The following ADCY2 variants were observed in gnomAD, a reference collection of about 807,000 sequenced individuals.
ADCY2 encodes the protein adenylate cyclase type 2.
A neutral mutation model predicts 125.2 loss-of-function variants in ADCY2; 31 were observed. The observed-to-expected ratio is 0.25, with a 90% CI of 0.19 to 0.33. The LOEUF is 0.33. Ranked by LOEUF, ADCY2 falls within the 10% of genes least tolerant of loss-of-function variation. The probability of loss-of-function intolerance (pLI) is 1.00; values close to 1 mark genes in which losing one functional copy is unlikely to be tolerated. For missense variants in ADCY2, 904 were observed against 1,418.2 expected, an observed-to-expected ratio of 0.64 and a Z score of 5.82; for synonymous variants, 512 against 548.4, an observed-to-expected ratio of 0.93 and a Z score of 0.93.
Position 7,461,695 on chromosome 5 carries a change from TCCTTAC to T in ADCY2, c.408+46926_408+46931del, listed in dbSNP as rs1277570719. ...TACATTTGGATTTAAAGAAGGAAAT[TCCTTAC>T]AGTTTTGGAATAGAAATTTATTAGA... On this transcript the variant is annotated intron_variant, in intron 2 of 24. Transcript: ENST00000338316. 2.0e-5 allele frequency among the ~76,000 whole-genome samples: 3 copies of T among 152,254 alleles called. No homozygotes were observed. In the East Asian group the frequency reaches 5.8e-4, roughly 29 times the overall value.
At chr5:7,532,176 G>T (rs1200134551) in intron 3 of ADCY2, among the ~76,000 whole-genome samples, 1 of 152,236 alleles carries the variant, frequency 6.6e-6, no homozygotes, top group Non-Finnish European at 1.5e-5. Flanking sequence ...AACAGAGAAA[G>T]TGTTCTTGCC....
chr5:7,758,900 A>G (rs1278371633), intron 16 of ADCY2, among the ~76,000 whole-genome samples: 1 of 152,188 alleles, frequency 6.6e-6, no homozygotes, highest in East Asian at 1.9e-4. Context: ...AACAAGGCTG[A>G]AGAAGTGGGT....
At chr5:7,645,167 C>T (rs770146575) in intron 4 of ADCY2, among the ~76,000 whole-genome samples, 1 of 152,132 alleles carries the variant, frequency 6.6e-6, no homozygotes, top group African/African-American at 2.4e-5. Flanking sequence ...AAGTTGTGGG[C>T]ATCTTACACA....
intron 3 of ADCY2, among the ~76,000 whole-genome samples, chr5:7,534,980 A>G (rs1042775440): frequency 2.0e-5 from 3 of 152,292 alleles, no homozygotes; most frequent in Non-Finnish European, 4.4e-5. Context: ...TCTGTTGCAC[A>G]TTCCCTGGGC....
chr5:7,502,446 T>C (rs1483724903), intron 2 of ADCY2, among the ~76,000 whole-genome samples: 1 of 152,116 alleles, frequency 6.6e-6, no homozygotes, highest in African/African-American at 2.4e-5. Context: ...AGCCACCTCT[T>C]ACTCCCACCG....
chr5:7,712,295 A>G (rs73049811), intron 10 of ADCY2, among the ~76,000 whole-genome samples: 12,231 of 152,080 alleles, frequency 0.08, 1,232 homozygotes, highest in African/African-American at 0.23. Flanking sequence ...CCACTTATAA[A>G]TTCTGTCTCT....
rs116512885 is a variant in ADCY2, at chr5:7,670,730, C to A, written c.721-19961C>A. 3.0e-3 allele frequency among the ~76,000 whole-genome samples: 456 copies of A among 152,280 alleles called. 1 individual carries two copies. The highest frequency in any genetic ancestry group is 0.01 in the African/African-American group (433 of 41,568). ...TTAGATTCTCATAAGGAGCACGCAACCTAGATCCCTCCCGTGCACAGTTTA... is the reference window on the plus strand; with the variant it reads ...TTAGATTCTCATAAGGAGCACGCAAACTAGATCCCTCCCGTGCACAGTTTA... On this transcript the variant is annotated intron_variant, in intron 4 of 24. Transcript: ENST00000338316.
chr5:7,624,124 T>C (rs1407672322), intron 3 of ADCY2, among the ~76,000 whole-genome samples: 1 of 152,220 alleles, frequency 6.6e-6, no homozygotes, highest in African/African-American at 2.4e-5. Flanking sequence ...TTTGCATTTA[T>C]TCAGAGAGAA....
At chr5:7,594,025 G>A (rs952878801) in intron 3 of ADCY2, among the ~76,000 whole-genome samples, 2 of 152,202 alleles carry the variant, frequency 1.3e-5, no homozygotes, top group South Asian at 2.1e-4. Context: ...AGAGGTGGAC[G>A]TGGGTGGACC....
chr5:7,483,603 C>T (rs889654201), intron 2 of ADCY2, among the ~76,000 whole-genome samples: 2 of 152,150 alleles, frequency 1.3e-5, no homozygotes, highest in Non-Finnish European at 1.5e-5. Context: ...GACATGACCT[C>T]GGGTGTTTGG....
intron 3 of ADCY2, among the ~76,000 whole-genome samples, chr5:7,594,319 C>T (rs1292261121): frequency 6.6e-6 from 1 of 152,114 alleles, no homozygotes; most frequent in Non-Finnish European, 1.5e-5. Flanking sequence ...TCTAAATACA[C>T]CAACTAATCT....
At chr5:7,508,218 C>G (rs1463144995) in intron 2 of ADCY2, among the ~76,000 whole-genome samples, 1 of 152,110 alleles carries the variant, frequency 6.6e-6, no homozygotes, top group Non-Finnish European at 1.5e-5. Context: ...AGCATAATTA[C>G]CAATTTTTAG....
At chr5:7,807,396 C>T (rs1744788956) in intron 22 of ADCY2, among the ~76,000 whole-genome samples, 1 of 152,144 alleles carries the variant, frequency 6.6e-6, no homozygotes, top group African/African-American at 2.4e-5. Flanking sequence ...CTCTTAATGA[C>T]CAAAAAAACA....
At chr5:7,608,364 T>C (rs1411243564) in intron 3 of ADCY2, among the ~76,000 whole-genome samples, 1 of 152,136 alleles carries the variant, frequency 6.6e-6, no homozygotes, top group Non-Finnish European at 1.5e-5. Context: ...GGCAGATTGC[T>C]TGAGCTCAAG....
chr5:7,682,459 C>G (rs1333377278), intron 4 of ADCY2, among the ~76,000 whole-genome samples: 1 of 152,188 alleles, frequency 6.6e-6, no homozygotes, highest in South Asian at 2.1e-4. Flanking sequence ...TCAAGCTTCT[C>G]TTATACTCAT....
chr5:7,423,722 C>T (rs1740290817), intron 2 of ADCY2, among the ~76,000 whole-genome samples: 2 of 152,212 alleles, frequency 1.3e-5, no homozygotes, highest in African/African-American at 4.8e-5. Context: ...GTCCCTCGAG[C>T]TGAGGATTTA....
At chr5:7,783,522 A>G (rs1400368934) in intron 18 of ADCY2, among the ~76,000 whole-genome samples, 1 of 152,024 alleles carries the variant, frequency 6.6e-6, no homozygotes, top group Non-Finnish European at 1.5e-5. Flanking sequence ...AACCCCCCAC[A>G]GAGAAGCTGG....
chr5:7,417,295 C>T (rs999325134), intron 2 of ADCY2, among the ~76,000 whole-genome samples: 1 of 151,924 alleles, frequency 6.6e-6, no homozygotes, highest in African/African-American at 2.4e-5. Flanking sequence ...GCTAATTGGT[C>T]GGTGTTTATA....
intron 16 of ADCY2, among the ~76,000 whole-genome samples, chr5:7,765,336 C>A (rs927267955): frequency 6.6e-6 from 1 of 151,922 alleles, no homozygotes; most frequent in African/African-American, 2.4e-5. Context: ...AAATCTGTAC[C>A]CTTTTGGAGC....
Sources: allele counts gnomAD v4.1 joint callset (sites outside exome capture counted in the v4.1 genomes callset), GRCh38; gene constraint gnomAD v4.1.1; transcripts MANE v1.5; gene names NCBI Gene and HGNC (gene_info 2026-07-23, HGNC 2026-07-21).